Variants in PSMD9 observed in about 807,000 individuals in gnomAD.
The protein encoded by PSMD9 is proteasome 26S subunit, non-ATPase 9.
In PSMD9, 26 loss-of-function variants were observed where a neutral mutation model predicts 25.9. The observed-to-expected ratio is 1.00, with a 90% CI of 0.73 to 1.39. The LOEUF (loss-of-function observed/expected upper bound fraction) is 1.39, where lower values mean the gene tolerates loss of function less well. Among genes scored for constraint, PSMD9 ranks in the 40% most tolerant of loss-of-function variants. PSMD9 has a pLI of 0.00. For missense variants in PSMD9, 303 were observed against 299.3 expected (o/e 1.01, Z -0.09); for synonymous variants, 110 against 114.5 (o/e 0.96, Z 0.25).
At chr12:121,899,901 A>C in intron 3 of PSMD9, 56 bp downstream of exon 3, 2 of 1,590,776 alleles carry the variant, frequency 1.3e-6, no homozygotes, top group Non-Finnish European at 1.7e-6. Context: ...TGGGTCAGGT[A>C]GCCTTCGGGG....
chr12:121,900,548 C>T (rs189675089), intron 3 of PSMD9, among the ~76,000 whole-genome samples: 25 of 147,582 alleles, frequency 1.7e-4, no homozygotes, highest in Non-Finnish European at 3.3e-4. Context: ...AAAATCATGC[C>T]ACTGCACTCC....
At chr12:121,904,071 G>GCAGGC (rs911560094) in intron 4 of PSMD9, among the ~76,000 whole-genome samples, 5 of 152,006 alleles carry the variant, frequency 3.3e-5, no homozygotes, top group Non-Finnish European at 5.9e-5. Flanking sequence ...ACCCATCAGT[G>GCAGGC]CAGGCCAGGC....
rs1176660993 is a variant in PSMD9 at position 121,894,744 on chromosome 12, A to G, written c.144A>G (p.Lys48=). The G allele has an allele frequency of 4.3e-6, 7 of 1,613,958 alleles. No homozygotes were observed. Among genetic ancestry groups the G allele is most frequent in the Non-Finnish European group, 4.2e-6 (5 of 1,179,958 alleles). Residue 48 remains lysine (K), a synonymous_variant, in exon 2 of 6, where the codon AAA becomes AAG. Transcript: ENST00000541212. ...ACCACGTTTCTTTCCTCCAGCAAAA[A>G]GGCATTGGGATGAACGAGCCGCTGG... is the stretch of plus-strand genomic sequence containing the variant. ...KANYDVLESQ[K]GIGMNEPLVD...
At position 121,888,896 on chromosome 12, in the gene PSMD9, C is replaced by T; in HGVS notation, c.40C>T (p.Gln14Ter). The T allele has an allele frequency of 6.2e-7, 1 of 1,600,364 alleles. No individual in the cohort carries two copies. Among genetic ancestry groups the T allele is most frequent in the Non-Finnish European group, 8.5e-7 (1 of 1,174,390 alleles). Residue 14 changes from glutamine to a stop codon, truncating the protein, a stop_gained, in exon 1 of 6, where the codon CAG (glutamine) becomes TAG (stop). Transcript: ENST00000541212. LOFTEE classifies it high-confidence loss of function. ...AGCGAGGCAGAGCGGAGGCTCCTCG[C>T]AGGCCGGCGTCGTGACTGTCAGCGA... ...EEARQSGGSS[Q>*]AGVVTVSDVQ...
At chr12:121,906,977 A>C (rs1262205339) in intron 4 of PSMD9, among the ~76,000 whole-genome samples, 2 of 151,904 alleles carry the variant, frequency 1.3e-5, no homozygotes, top group Non-Finnish European at 2.9e-5. Flanking sequence ...AAAAAAAAAA[A>C]AAAACCAAAA....
chr12:121,889,104 G>T, intron 1 of PSMD9, 110 bp downstream of exon 1: 1 of 1,387,806 alleles, frequency 7.2e-7, no homozygotes, highest in Non-Finnish European at 9.7e-7. Context: ...GATCTCCCTG[G>T]GAGGCCCAAG....
At chr12:121,896,836 C>CAAAAA (rs755152569) in intron 2 of PSMD9, among the ~76,000 whole-genome samples, 1 of 57,496 alleles carries the variant, frequency 1.7e-5, no homozygotes, top group Non-Finnish European at 4.5e-5. Context: ...AACTCTGTCT[C>CAAAAA]AAAAAAAAAA....
intron 1 of PSMD9, among the ~76,000 whole-genome samples, chr12:121,892,422 C>T (rs760526589): frequency 1.3e-4 from 19 of 151,866 alleles, no homozygotes; most frequent in Middle Eastern, 3.2e-3. Context: ...AATTAAAGGC[C>T]GGGCATGGTG....
At chr12:121,891,609 G>GAA (rs1212392896) in intron 1 of PSMD9, among the ~76,000 whole-genome samples, 3 of 92,978 alleles carry the variant, frequency 3.2e-5, no homozygotes, top group Non-Finnish European at 4.6e-5. Flanking sequence ...CAAGAAAAAA[G>GAA]AAAAAAAAAA....
At chr12:121,903,917 A>T (rs1358677660) in intron 4 of PSMD9, among the ~76,000 whole-genome samples, 1 of 151,972 alleles carries the variant, frequency 6.6e-6, no homozygotes, top group African/African-American at 2.4e-5. Flanking sequence ...TGTAGCAAAG[A>T]TCCACACTTT....
At chr12:121,901,606 C>A (rs1049729924) in intron 3 of PSMD9, among the ~76,000 whole-genome samples, 2 of 151,242 alleles carry the variant, frequency 1.3e-5, no homozygotes, top group Non-Finnish European at 2.9e-5. Context: ...CCTTCTTCCT[C>A]GGCCTCCCAA....
At chr12:121,900,030 G>A in intron 3 of PSMD9, 185 bp downstream of exon 3, 1 of 701,032 alleles carries the variant, frequency 1.4e-6, no homozygotes, top group Non-Finnish European at 2.4e-6. Flanking sequence ...GAGTTTTAGA[G>A]AGGGGTCAGC....
chr12:121,909,342 C>T (rs950775004), intron 4 of PSMD9, among the ~76,000 whole-genome samples: 9 of 150,146 alleles, frequency 6.0e-5, no homozygotes, highest in African/African-American at 7.4e-5. Context: ...GACAGGGTCT[C>T]TCGCTCTGCT....
chr12:121,898,530 G>T, intron 2 of PSMD9: 1 of 151,526 alleles, frequency 6.6e-6, no homozygotes, highest in Admixed American at 6.6e-5. Flanking sequence ...GGATTACTAG[G>T]CTTATGCAGC....
intron 4 of PSMD9, among the ~76,000 whole-genome samples, chr12:121,908,339 C>T (rs568454415): frequency 8.3e-4 from 127 of 152,112 alleles, no homozygotes; most frequent in African/African-American, 2.9e-3. Context: ...CCACCAAGCC[C>T]GGCTAATTTT....
intron 3 of PSMD9, among the ~76,000 whole-genome samples, chr12:121,901,387 C>T (rs1191621029): frequency 1.3e-5 from 2 of 152,174 alleles, no homozygotes; most frequent in African/African-American, 4.8e-5. Flanking sequence ...CTCACTCTCT[C>T]ACCCAGACTT....
At chr12:121,904,672 A>C (rs986574303) in intron 4 of PSMD9, among the ~76,000 whole-genome samples, 1 of 135,040 alleles carries the variant, frequency 7.4e-6, no homozygotes, top group African/African-American at 2.6e-5. Context: ...TATTATTATT[A>C]TTTGAGATGG....
At position 121,916,409 on chromosome 12, in the gene PSMD9, C is replaced by A; in HGVS notation, c.*98C>A. ...TCTTCTCTCCCTGAAGCATAAGGAT[C>A]TGGAAGAGGCTTGTAACCTGAACTT... is the stretch of plus-strand genomic sequence containing the variant. On this transcript the variant is annotated 3_prime_UTR_variant, in exon 6 of 6. Coordinates refer to ENST00000541212, the MANE Select transcript of PSMD9 (RefSeq NM_002813.7). 6.9e-7 allele frequency: 1 copy of A among 1,453,062 alleles called. No individual in the cohort carries two copies. Among genetic ancestry groups the A allele is most frequent in the Non-Finnish European group, 9.7e-7 (1 of 1,034,842 alleles). 90.0% of individuals were successfully genotyped at this position (1,453,062 alleles called of 1,614,324 possible).
At chr12:121,912,939 C>CT (rs199915628) in intron 4 of PSMD9, among the ~76,000 whole-genome samples, 1,719 of 129,160 alleles carry the variant, frequency 0.013, 38 homozygotes, top group African/African-American at 0.038. Flanking sequence ...CTTTTCTTTT[C>CT]TTTTTTTTTT....
Sources: gnomAD v4.1 joint callset for allele counts (sites outside exome capture counted in the v4.1 genomes callset) on GRCh38, gnomAD v4.1.1 for gene constraint, MANE v1.5 for transcripts, NCBI Gene and HGNC (gene_info 2026-07-23, HGNC 2026-07-21) for gene names.